AGO3: variants seen among roughly 807,000 people sequenced by gnomAD.
AGO3 encodes protein argonaute-3.
A neutral mutation model predicts 105.5 loss-of-function variants in AGO3; 16 were observed. That is an observed-to-expected ratio of 0.15 (90% CI 0.10 to 0.23). The LOEUF is 0.23. Ranked by LOEUF, AGO3 falls within the 10% of genes least tolerant of loss-of-function variation. AGO3 has a pLI of 1.00. For synonymous variants in AGO3, 340 were observed against 367.3 expected (o/e 0.93, Z 0.85); for missense variants, 534 against 1,088.0 (o/e 0.49, Z 7.16).
At chr1:36,018,828 A>G (rs1236130174) in intron 11 of AGO3, among the ~76,000 whole-genome samples, 1 of 151,980 alleles carries the variant, frequency 6.6e-6, no homozygotes, top group Non-Finnish European at 1.5e-5. Context: ...ACAGGCATGA[A>G]CTTGGAAAAA....
At chr1:36,012,949 T>C (rs1475044261) in intron 9 of AGO3, among the ~76,000 whole-genome samples, 1 of 151,912 alleles carries the variant, frequency 6.6e-6, no homozygotes, top group South Asian at 2.1e-4. Flanking sequence ...ATTTTTTTTT[T>C]CTTTTGAGAC....
chr1:35,937,521 T>C (rs562380496), intron 1 of AGO3, among the ~76,000 whole-genome samples: 1 of 152,034 alleles, frequency 6.6e-6, no homozygotes, highest in Non-Finnish European at 1.5e-5. Context: ...TGAAACCCCA[T>C]CTCTATTAAA....
At chr1:36,030,491 C>T (rs1169947811) in intron 12 of AGO3, among the ~76,000 whole-genome samples, 8 of 143,774 alleles carry the variant, frequency 5.6e-5, no homozygotes, top group South Asian at 4.3e-4. Context: ...GGCAACAGAG[C>T]GAGACCCTTT....
intron 17 of AGO3, among the ~76,000 whole-genome samples, chr1:36,052,640 AC>A (rs1209257697): frequency 3.3e-5 from 5 of 152,190 alleles, no homozygotes; most frequent in Non-Finnish European, 7.3e-5. Context: ...AAAATATTAC[AC>A]TGTACCTCAT....
chr1:35,975,926 TTTTTTTCTTTCTTTCTTTTC>T (rs1646949040), intron 5 of AGO3, among the ~76,000 whole-genome samples: 3 of 152,070 alleles, frequency 2.0e-5, no homozygotes, highest in African/African-American at 4.8e-5. Context: ...CATTTCTTTT[TTTTTTTCTTTCTTTCTTTTC>T]TTTTTTCTTT....
chr1:36,038,383 GT>G (rs1642105626), intron 14 of AGO3, among the ~76,000 whole-genome samples: 1 of 151,016 alleles, frequency 6.6e-6, no homozygotes, highest in Non-Finnish European at 1.5e-5. Flanking sequence ...AGCCTCCTGA[GT>G]AGCTGGGACT....
intron 5 of AGO3, among the ~76,000 whole-genome samples, chr1:35,995,527 G>C (rs1349141526): frequency 6.6e-6 from 1 of 152,036 alleles, no homozygotes; most frequent in Non-Finnish European, 1.5e-5. Context: ...CTCAGTAAAT[G>C]ATGTAACAAC....
chr1:36,023,010 C>T lies in AGO3; in HGVS notation c.1407-4104C>T, dbSNP rs375859265. On this transcript the variant is annotated intron_variant, in intron 11 of 18. Transcript: ENST00000373191. ...AAAAATCTCTGTGAATTTCCAAAAG[C>T]CAAAGTTCACACCTTCTTATTTGCC... 1.1e-4 allele frequency among the ~76,000 whole-genome samples: 17 copies of T among 152,074 alleles called. No homozygotes were observed. The East Asian group carries it at 1.5e-3, about 14-fold the overall frequency.
intron 2 of AGO3, among the ~76,000 whole-genome samples, chr1:35,963,754 G>T (rs1235914691): frequency 2.6e-5 from 4 of 152,138 alleles, no homozygotes; most frequent in African/African-American, 4.8e-5. Context: ...TAGGATTGTG[G>T]TAATCGGGAA....
chr1:36,022,080 T>TC (rs1483955566), intron 11 of AGO3, among the ~76,000 whole-genome samples: 1 of 150,270 alleles, frequency 6.7e-6, no homozygotes, highest in African/African-American at 2.4e-5. Flanking sequence ...TTTTTTTTTT[T>TC]TTTGACATAG....
chr1:35,942,235 C>G (rs542528307), intron 1 of AGO3, among the ~76,000 whole-genome samples: 1 of 152,112 alleles, frequency 6.6e-6, no homozygotes, highest in Non-Finnish European at 1.5e-5. Flanking sequence ...ATTGTTAGCC[C>G]AATTTTTTAT....
intron 2 of AGO3, among the ~76,000 whole-genome samples, chr1:35,961,544 T>C (rs1364843402): frequency 1.3e-5 from 2 of 152,222 alleles, no homozygotes; most frequent in Non-Finnish European, 2.9e-5. Context: ...CAAAAACTTA[T>C]TCTGTAATTT....
At position 36,055,706 on chromosome 1, in the gene AGO3, G is replaced by A. The variant is rs757419955; in HGVS notation, c.2544G>A (p.Gln848=). The A allele has an allele frequency of 1.9e-6, 3 of 1,614,206 alleles. No individual in the cohort carries two copies. Among genetic ancestry groups the A allele is most frequent in the Non-Finnish European group, 2.5e-6 (3 of 1,180,032 alleles). Residue 848 remains glutamine (Q), a synonymous_variant, in exon 19 of 19, where the codon CAG becomes CAA. Transcript: ENST00000373191. The surrounding 1 kb of genome is among the most constrained non-coding windows in gnomAD (Gnocchi z 4.4). ...RDPQALAKAV[Q]IHQDTLRTMY... ...CACAAGCTCTTGCCAAGGCTGTACA[G>A]ATTCACCAAGATACCTTACGCACAA...
At chr1:35,942,016 A>G (rs867564015) in intron 1 of AGO3, among the ~76,000 whole-genome samples, 8 of 152,322 alleles carry the variant, frequency 5.3e-5, no homozygotes, top group Non-Finnish European at 4.4e-5. Flanking sequence ...AAATTCAGGG[A>G]CAGTATTTGG....
chr1:36,025,787 C>T (rs531275760), intron 11 of AGO3, among the ~76,000 whole-genome samples: 1 of 152,222 alleles, frequency 6.6e-6, no homozygotes, highest in African/African-American at 2.4e-5. Flanking sequence ...CCTGTAATCC[C>T]AGCACTTTGG....
At chr1:36,016,414 T>C (rs1640905217) in intron 11 of AGO3, among the ~76,000 whole-genome samples, 1 of 152,166 alleles carries the variant, frequency 6.6e-6, no homozygotes, top group African/African-American at 2.4e-5. Context: ...ACTCCTGACC[T>C]GAGGTGATCT....
chr1:36,032,718 A>G (rs1345862189), intron 12 of AGO3, among the ~76,000 whole-genome samples: 1 of 150,242 alleles, frequency 6.7e-6, no homozygotes, highest in Non-Finnish European at 1.5e-5. Flanking sequence ...TGCTGGGTGC[A>G]GTGGCTCACA....
In AGO3 at chr1:36,009,274, G is replaced by A. The variant is rs998229050; in HGVS notation, c.1030-201G>A. The A allele has an allele frequency of 6.3e-6, 5 of 798,256 alleles. No homozygotes were observed. In the African/African-American group the frequency reaches 7.1e-5, roughly 11 times the overall value. The allele number at this position is 798,256 out of a possible 1,614,324, so 49.4% of individuals were successfully genotyped here. Reference sequence around the variant, plus strand: ...ATTTTGGTATACTATACTTCTTTCAGTCTTCATCTGGTGTACATTTTACTT... The same window carrying A: ...ATTTTGGTATACTATACTTCTTTCAATCTTCATCTGGTGTACATTTTACTT... On this transcript the variant is annotated intron_variant, in intron 8 of 18. Coordinates refer to ENST00000373191, the MANE Select transcript of AGO3 (RefSeq NM_024852.4).
intron 5 of AGO3, among the ~76,000 whole-genome samples, chr1:35,984,841 C>T (rs1647133060): frequency 6.6e-6 from 1 of 152,038 alleles, no homozygotes; most frequent in Non-Finnish European, 1.5e-5. Context: ...CTGAGCTTAA[C>T]AAGTATAATG....
Sources: allele counts gnomAD v4.1 joint callset (sites outside exome capture counted in the v4.1 genomes callset), GRCh38; gene constraint gnomAD v4.1.1; non-coding constraint Gnocchi (gnomAD v3.1); transcripts MANE v1.5; gene names NCBI Gene and HGNC (gene_info 2026-07-23, HGNC 2026-07-21).